Variants in KLRG1 observed in about 807,000 individuals in gnomAD.
KLRG1 encodes the protein killer cell lectin like receptor G1, also known as killer cell lectin-like receptor subfamily G member 1.
A neutral mutation model predicts 21.8 loss-of-function variants in KLRG1; 16 were observed. The ratio of observed to expected loss-of-function variants is 0.73; its 90% confidence interval spans 0.50 to 1.11. KLRG1 has a LOEUF of 1.11. Among genes scored for constraint, KLRG1 ranks in the 50% most tolerant of loss-of-function variants. KLRG1 has a pLI of 0.00. For missense variants in KLRG1, 173 were observed against 218.3 expected (o/e 0.79, Z 1.31); for synonymous variants, 69 against 75.9 (o/e 0.91, Z 0.47).
At chr12:9,211,645 TTA>T in the KLRG1 span, among the ~76,000 whole-genome samples, 1 of 152,136 alleles carries the variant, frequency 6.6e-6, no homozygotes, top group African/African-American at 2.4e-5. Context: ...TTTGGTGGTA[TTA>T]TGTTTGCCTG....
chr12:8,987,593 T>G (rs896189815), upstream of KLRG1: 1 of 152,250 alleles, frequency 6.6e-6, no homozygotes, highest in African/African-American at 2.4e-5. Flanking sequence ...CATTGTTGTG[T>G]ACCGTATCTC....
the KLRG1 span, among the ~76,000 whole-genome samples, chr12:9,145,787 A>G: frequency 6.6e-6 from 1 of 152,056 alleles, no homozygotes; most frequent in Non-Finnish European, 1.5e-5. Context: ...TTACTCCTCC[A>G]TTTTTGATGG....
chr12:9,206,190 T>C, the KLRG1 span, among the ~76,000 whole-genome samples: 4 of 152,132 alleles, frequency 2.6e-5, no homozygotes, highest in South Asian at 8.3e-4. Flanking sequence ...AAATGTATCA[T>C]TTTTTACATC....
the KLRG1 span, among the ~76,000 whole-genome samples, chr12:9,050,778 C>A: frequency 3.3e-4 from 50 of 152,320 alleles, 1 homozygote; most frequent in East Asian, 7.0e-3. Context: ...GTGGGAGCTC[C>A]CCTGGCGCAG....
chr12:9,106,567 G>T, the KLRG1 span: 2 of 1,591,744 alleles, frequency 1.3e-6, no homozygotes, highest in Admixed American at 3.5e-5. Flanking sequence ...GGAAGACCTT[G>T]GTTTTTACTT....
At chr12:8,984,737 TATG>T (rs1453896170), upstream of KLRG1, among the ~76,000 whole-genome samples, 5 of 152,360 alleles carry the variant, frequency 3.3e-5, no homozygotes, top group Non-Finnish European at 7.3e-5. Context: ...TTCCAGCATC[TATG>T]TTACATAAGT....
At chr12:9,162,055 C>G in the KLRG1 span, among the ~76,000 whole-genome samples, 1 of 152,038 alleles carries the variant, frequency 6.6e-6, no homozygotes, top group East Asian at 1.9e-4. Context: ...TCCCCCTGCC[C>G]GGCTCAAGCG....
At chr12:9,089,479 A>G in the KLRG1 span, among the ~76,000 whole-genome samples, 1 of 152,184 alleles carries the variant, frequency 6.6e-6, no homozygotes, top group Non-Finnish European at 1.5e-5. Context: ...GGTGGCTCAC[A>G]CCTATAATCC....
the KLRG1 span, among the ~76,000 whole-genome samples, chr12:9,173,583 A>C: frequency 6.6e-6 from 1 of 152,154 alleles, no homozygotes; most frequent in Non-Finnish European, 1.5e-5. Context: ...ACTGCTAGCT[A>C]GACTAATAAA....
chr12:9,169,311 G>C, the KLRG1 span: 738,596 of 1,010,768 alleles, frequency 0.73, 271,803 homozygotes, highest in East Asian at 0.87. Flanking sequence ...CTTCATTTTT[G>C]TCTGCTGAAA....
chr12:9,009,552 G>T lies in KLRG1; in HGVS notation c.*15G>T. The T allele has an allele frequency of 6.2e-7, 1 of 1,613,164 alleles. No individual in the cohort carries two copies. The highest frequency in any genetic ancestry group is 8.5e-7 in the Non-Finnish European group (1 of 1,179,570). On this transcript the variant is annotated 3_prime_UTR_variant, in exon 5 of 5. Coordinates refer to ENST00000356986, the MANE Select transcript of KLRG1 (RefSeq NM_005810.4). ...TCAGACTTTGATAGATGACCACTCT[G>T]TCCTGACCCTCAGATCTGTCATGTA...
At chr12:9,176,495 C>T in the KLRG1 span, among the ~76,000 whole-genome samples, 3 of 152,178 alleles carry the variant, frequency 2.0e-5, no homozygotes, top group Non-Finnish European at 2.9e-5. Flanking sequence ...AAAACGCAGT[C>T]CATATTCAAA....
At chr12:9,148,802 G>A in the KLRG1 span, 3 of 597,046 alleles carry the variant, frequency 5.0e-6, no homozygotes, top group Non-Finnish European at 8.7e-6. Flanking sequence ...ATGTGAACAT[G>A]TTATTAATGT....
At chr12:9,046,196 C>T in the KLRG1 span, among the ~76,000 whole-genome samples, 7,911 of 152,014 alleles carry the variant, frequency 0.052, 634 homozygotes, top group African/African-American at 0.18. Flanking sequence ...CTGAAAATTT[C>T]CCAAACTGAA....
At chr12:8,998,273 G>A (rs1384755464) in intron 3 of KLRG1, among the ~76,000 whole-genome samples, 2 of 152,040 alleles carry the variant, frequency 1.3e-5, no homozygotes. Context: ...AGGCTGCAGT[G>A]AGCTGAGACT....
chr12:9,071,659 A>G, the KLRG1 span, among the ~76,000 whole-genome samples: 1 of 152,006 alleles, frequency 6.6e-6, no homozygotes, highest in African/African-American at 2.4e-5. Flanking sequence ...TGTTCTCATC[A>G]TTTAGCTCCC....
intron 1 of KLRG1, among the ~76,000 whole-genome samples, chr12:8,965,895 A>G (rs1189997270): frequency 6.6e-6 from 1 of 152,252 alleles, no homozygotes; most frequent in East Asian, 1.9e-4. Flanking sequence ...TCCTAAGCCA[A>G]AAGAACAAAG....
the KLRG1 span, chr12:9,152,191 G>T: frequency 1.0e-5 from 15 of 1,445,132 alleles, 1 homozygote; most frequent in South Asian, 1.1e-4. Context: ...ACTTTTGTAT[G>T]AAGTCTATTA....
At chr12:9,077,639 C>G in the KLRG1 span, 24 of 1,586,986 alleles carry the variant, frequency 1.5e-5, no homozygotes, top group Non-Finnish European at 2.1e-5. Context: ...ATTATCACTT[C>G]CTATCCTCAT....
Sources: gnomAD v4.1 joint callset for allele counts (sites outside exome capture counted in the v4.1 genomes callset) on GRCh38, gnomAD v4.1.1 for gene constraint, MANE v1.5 for transcripts, NCBI Gene and HGNC (gene_info 2026-07-23, HGNC 2026-07-21) for gene names.